The following TTC17 variants were observed in gnomAD, a reference collection of about 807,000 sequenced individuals.
TTC17 encodes tetratricopeptide repeat protein 17.
A neutral mutation model predicts 143.8 loss-of-function variants in TTC17; 58 were observed. The observed-to-expected ratio is 0.40, with a 90% CI of 0.33 to 0.50. The LOEUF is 0.50. Among genes scored for constraint, TTC17 ranks in the 20% least tolerant of loss-of-function variants. The pLI, the probability that TTC17 is intolerant of heterozygous loss-of-function variation, is 0.49. For missense variants in TTC17, 1,273 were observed against 1,392.5 expected (o/e 0.91, Z 1.37); for synonymous variants, 501 against 497.8 (o/e 1.01, Z -0.09).
chr11:43,411,947 G>A (rs1489834307), intron 15 of TTC17, among the ~76,000 whole-genome samples: 1 of 152,106 alleles, frequency 6.6e-6, no homozygotes, highest in Non-Finnish European at 1.5e-5. Flanking sequence ...TAAATCATAA[G>A]CATTGTTTTA....
intron 21 of TTC17, among the ~76,000 whole-genome samples, chr11:43,485,210 G>A (rs887333653): frequency 5.3e-5 from 8 of 152,092 alleles, no homozygotes; most frequent in Admixed American, 6.6e-5. Flanking sequence ...AAAGGTTGGG[G>A]ACCTCTGCTC....
At chr11:43,471,309 A>T (rs1246428682) in intron 21 of TTC17, among the ~76,000 whole-genome samples, 1 of 152,222 alleles carries the variant, frequency 6.6e-6, no homozygotes, top group African/African-American at 2.4e-5. Context: ...AGGCTCGTAG[A>T]CATTACATTG....
chr11:43,410,196 T>G (rs944265243), intron 15 of TTC17, among the ~76,000 whole-genome samples: 1 of 152,200 alleles, frequency 6.6e-6, no homozygotes, highest in Admixed American at 6.5e-5. Flanking sequence ...ACACATTTTG[T>G]TCATTTTAGA....
At chr11:43,463,617 A>G (rs1947912977) in intron 21 of TTC17, among the ~76,000 whole-genome samples, 2 of 152,226 alleles carry the variant, frequency 1.3e-5, no homozygotes, top group African/African-American at 4.8e-5. Context: ...TCAGCATCAT[A>G]TAATATCAGT....
At chr11:43,490,132 G>A (rs1948448234) in intron 21 of TTC17, 107 bp from the exon 22 acceptor site, 2 of 1,465,196 alleles carry the variant, frequency 1.4e-6, no homozygotes, top group South Asian at 1.4e-5. Context: ...CCAGCACTTA[G>A]TAAATACTCA....
chr11:43,395,454 A>G (rs1296294216), intron 5 of TTC17: 1 of 152,192 alleles, frequency 6.6e-6, no homozygotes, highest in Non-Finnish European at 1.5e-5. Context: ...TAATGTGAAA[A>G]TAAAAGATGA....
intron 16 of TTC17, among the ~76,000 whole-genome samples, chr11:43,424,604 T>A (rs1946983023): frequency 6.6e-6 from 1 of 151,828 alleles, no homozygotes. Flanking sequence ...ACCCCATCTT[T>A]ACTAAAAATA....
intron 21 of TTC17, chr11:43,468,419 G>A (rs545082200): frequency 1.3e-5 from 2 of 152,232 alleles, no homozygotes; most frequent in South Asian, 4.2e-4. Context: ...TCTGTAATAA[G>A]TATGTCTGGA....
chr11:43,471,713 G>T (rs1256546655), intron 21 of TTC17, among the ~76,000 whole-genome samples: 1 of 152,214 alleles, frequency 6.6e-6, no homozygotes, highest in East Asian at 1.9e-4. Context: ...AGAAAGTAAT[G>T]AAATTAAAGT....
chr11:43,481,246 G>A (rs909220751), intron 21 of TTC17, among the ~76,000 whole-genome samples: 2 of 152,066 alleles, frequency 1.3e-5, no homozygotes, highest in African/African-American at 4.8e-5. Flanking sequence ...AAAGATAGAT[G>A]TACAGTTAGA....
chr11:43,391,251 T>C (rs1302562889), intron 3 of TTC17, among the ~76,000 whole-genome samples: 1 of 151,868 alleles, frequency 6.6e-6, no homozygotes, highest in Non-Finnish European at 1.5e-5. Context: ...TAAAAAAAAT[T>C]AACTGATTGT....
At chr11:43,487,807 C>T (rs556388266) in intron 21 of TTC17, among the ~76,000 whole-genome samples, 1 of 152,206 alleles carries the variant, frequency 6.6e-6, no homozygotes, top group Non-Finnish European at 1.5e-5. Flanking sequence ...GGGTTGGTCT[C>T]CCCTGAGACC....
intron 2 of TTC17, among the ~76,000 whole-genome samples, chr11:43,384,418 G>A (rs1222752785): frequency 6.6e-6 from 1 of 152,220 alleles, no homozygotes; most frequent in Non-Finnish European, 1.5e-5. Flanking sequence ...CACTCTGGGG[G>A]GTCGAGGCGG....
rs562594929 is a variant in TTC17 at position 43,462,921 on chromosome 11, C to CTTTTTTTTTTTTT, written c.3030+11668_3030+11669insTTTTTTTTTTTTT. On this transcript the variant is annotated intron_variant, in intron 21 of 23. Transcript: ENST00000039989. ...CACTGAATCCAGCAGTGACAAAATT[C>CTTTTTTTTTTTTT]TTTTTTTTTTTTGAGACAGAGTCTC... Among the ~76,000 whole-genome samples the CTTTTTTTTTTTTT allele has an allele frequency of 1.1e-3, 128 of 117,714 alleles. 20 individuals carry two copies. The highest frequency in any genetic ancestry group is 3.9e-3 in the African/African-American group (97 of 24,746). 77.2% of individuals were successfully genotyped at this position (117,714 alleles called of 152,430 possible).
In TTC17 at chr11:43,397,448, G is replaced by C. The variant is rs753472195; in HGVS notation, c.875G>C (p.Ser292Thr). Residue 292 changes from serine (S) to threonine (T), a missense_variant, in exon 7 of 24, where the codon AGT (serine) becomes ACT (threonine). By Grantham distance (58) the Ser-to-Thr change is moderately conservative (BLOSUM62 1). Around this residue, in one of 3 missense-constraint regions of TTC17, gnomAD observed 325 missense variants for 444.2 expected, o/e 0.73. Coordinates refer to ENST00000039989, the MANE Select transcript of TTC17 (RefSeq NM_018259.6). Reference sequence around the variant, plus strand: ...GTGGTCCATGCAGCTCTGGATGACAGTGACTTCTTCACCAGCTATTACACT... The same window carrying C: ...GTGGTCCATGCAGCTCTGGATGACACTGACTTCTTCACCAGCTATTACACT... ...AVVVHAALDDSDFFTSYYTLG... is the reference protein window; with the variant it reads ...AVVVHAALDDTDFFTSYYTLG... The C allele has an allele frequency of 5.0e-6, 8 of 1,613,168 alleles. No homozygotes were observed. In the South Asian group the frequency reaches 8.8e-5, roughly 18 times the overall value.
At chr11:43,394,250 C>G (rs557695976) in intron 5 of TTC17, among the ~76,000 whole-genome samples, 5 of 152,236 alleles carry the variant, frequency 3.3e-5, no homozygotes, top group Non-Finnish European at 7.4e-5. Flanking sequence ...TAGGCCAGTG[C>G]CAGATTATGT....
intron 16 of TTC17, chr11:43,436,382 C>T: frequency 2.4e-6 from 3 of 1,235,430 alleles, no homozygotes; most frequent in Non-Finnish European, 3.0e-6. Context: ...AATCAACTCT[C>T]AAGCTTTAAG....
intron 5 of TTC17, among the ~76,000 whole-genome samples, chr11:43,394,002 C>T (rs1565142276): frequency 6.6e-6 from 1 of 152,202 alleles, no homozygotes; most frequent in Non-Finnish European, 1.5e-5. Flanking sequence ...AGAGAGAGAT[C>T]TGTCTCTTCC....
chr11:43,476,871 A>G (rs1034963194), intron 21 of TTC17, among the ~76,000 whole-genome samples: 3 of 151,912 alleles, frequency 2.0e-5, no homozygotes, highest in African/African-American at 7.2e-5. Flanking sequence ...AGATTTCTGC[A>G]GCTGGCTTGA....
Sources: allele counts gnomAD v4.1 joint callset (sites outside exome capture counted in the v4.1 genomes callset), GRCh38; gene constraint gnomAD v4.1.1; regional missense constraint gnomAD v4.1.1; transcripts MANE v1.5; gene names NCBI Gene and HGNC (gene_info 2026-07-23, HGNC 2026-07-21).